The following TNNT3 variants were observed in gnomAD, a reference collection of about 807,000 sequenced individuals.
TNNT3 encodes the protein troponin T3, fast skeletal type.
A neutral mutation model predicts 54.2 loss-of-function variants in TNNT3; 36 were observed. That is an observed-to-expected ratio of 0.66 (90% CI 0.51 to 0.88). The LOEUF is 0.88. Ranked by LOEUF, TNNT3 falls within the 40% of genes least tolerant of loss-of-function variation. TNNT3 has a pLI of 0.00. For missense variants in TNNT3, 291 were observed against 331.6 expected, an observed-to-expected ratio of 0.88 and a Z score of 0.95; for synonymous variants, 120 against 109.7, an observed-to-expected ratio of 1.09 and a Z score of -0.59.
intron 6 of TNNT3, among the ~76,000 whole-genome samples, chr11:1,927,005 G>A (rs529664316): frequency 1.5e-3 from 225 of 152,280 alleles, no homozygotes; most frequent in Non-Finnish European, 2.4e-3. Context: ...CCTTGAGGCC[G>A]AGGCAGAGCA....
intron 2 of TNNT3, 33 bp from the exon 3 acceptor site, chr11:1,923,015 C>T: frequency 6.2e-7 from 1 of 1,613,926 alleles, no homozygotes; most frequent in South Asian, 1.1e-5. Flanking sequence ...CTACCTCTCT[C>T]TCTTTCTTTC....
At chr11:1,925,751 G>A (rs955732446) in intron 5 of TNNT3, among the ~76,000 whole-genome samples, 3 of 151,790 alleles carry the variant, frequency 2.0e-5, no homozygotes, top group African/African-American at 7.3e-5. Flanking sequence ...CAGCTCCCTC[G>A]TGAGCATGCC....
rs201336939 is a variant in TNNT3 at position 1,937,018 on chromosome 11, C to A, written c.722+15C>A. The A allele has an allele frequency of 1.0e-4, 162 of 1,589,260 alleles. No homozygotes were observed. The African/African-American group carries it at 2.1e-3, about 20-fold the overall frequency. On this transcript the variant is annotated intron_variant, in intron 15 of 15. Transcript: ENST00000278317. ...GCCCAGAAGCAGTGAGTAGCCCTGC[C>A]GTCCTCGCTCCGCACTGGGCACAGG...
chr11:1,929,227 C>A, intron 7 of TNNT3, 84 bp downstream of exon 7: 1 of 1,476,474 alleles, frequency 6.8e-7, no homozygotes, highest in Non-Finnish European at 9.4e-7. Flanking sequence ...GGGTCTCTCG[C>A]TGCCCTGCCT....
chr11:1,938,159 G>A, intron 15 of TNNT3: 1 of 516,256 alleles, frequency 1.9e-6, no homozygotes, highest in Non-Finnish European at 3.5e-6. Flanking sequence ...CAGCTCAGGG[G>A]TCTGTCTGCA....
chr11:1,929,779 C>A, intron 7 of TNNT3, 31 bp from the exon 8 acceptor site: 1 of 1,551,910 alleles, frequency 6.4e-7, no homozygotes. Flanking sequence ...CGCTGGTGTC[C>A]CTCTCCCTAC....
chr11:1,922,825 C>CTCTCTCTCTCTCTCTGAA, intron 1 of TNNT3, 32 bp from the exon 2 acceptor site: 1 of 1,591,118 alleles, frequency 6.3e-7, no homozygotes, highest in Non-Finnish European at 8.6e-7. Flanking sequence ...TCCATCCTCT[C>CTCTCTCTCTCTCTCTGAA]TCTCTCTCTC....
At chr11:1,926,379 G>A (rs1589915561) in intron 5 of TNNT3, 4 of 1,542,410 alleles carry the variant, frequency 2.6e-6, no homozygotes, top group East Asian at 4.5e-5. Flanking sequence ...CTCGAGTGGC[G>A]ACGGGCTTTT....
chr11:1,934,416 G>C lies in TNNT3; in HGVS notation c.451G>C (p.Gly151Arg). 6.2e-7 allele frequency: 1 copy of C among 1,613,816 alleles called. No homozygotes were observed. Among genetic ancestry groups the C allele is most frequent in the East Asian group, 2.2e-5 (1 of 44,884 alleles). ...LKKKKALSSM[G>R]ANYSSYLAKA... ...GAAGAAGAAAGCTCTGTCTTCCATG[G>C]GAGCCAACTACAGCAGCTACCTGGC... The change falls in exon 12 of 16, where the codon GGA (glycine) becomes CGA (arginine). Residue 151 changes from glycine (G) to arginine (R), a missense_variant. Gly to Arg is a moderately radical substitution (Grantham distance 125, BLOSUM62 -2). Coordinates refer to ENST00000278317, the MANE Select transcript of TNNT3 (RefSeq NM_006757.4).
rs1851759064 is a variant in TNNT3 at position 1,926,852 on chromosome 11, A to G, written c.82+143A>G. The stretch of plus-strand genomic sequence containing the variant: ...TGGCCTCTGGGCTGGGGACAGAGTG[A>G]GGACCCTGGCTTGGGAAGGGCTGGC... On this transcript the variant is annotated intron_variant, in intron 6 of 15. Coordinates refer to ENST00000278317, the MANE Select transcript of TNNT3 (RefSeq NM_006757.4). 19 of 1,110,490 alleles carry G rather than the reference A, an allele frequency of 1.7e-5. No individual in the cohort carries two copies. The Admixed American group carries it at 3.2e-4, about 18-fold the overall frequency. 68.8% of individuals were successfully genotyped at this position (1,110,490 alleles called of 1,614,324 possible).
intron 8 of TNNT3, among the ~76,000 whole-genome samples, chr11:1,930,696 T>C (rs925704003): frequency 2.0e-5 from 3 of 152,188 alleles, no homozygotes; most frequent in African/African-American, 7.2e-5. Flanking sequence ...TTGGGGAGCA[T>C]TGCAGATTCT....
chr11:1,929,719 G>A (rs1179820283), intron 7 of TNNT3, 91 bp from the exon 8 acceptor site: 3 of 1,448,026 alleles, frequency 2.1e-6, no homozygotes, highest in African/African-American at 1.4e-5. Context: ...GGGGAACCCA[G>A]GGCCGCAGGC....
rs759528909 is a variant in TNNT3 at position 1,938,567 on chromosome 11, T to A, written c.*75T>A. ...CCAGGGCCGCTCGTGGGACTCCACA[T>A]CCTCCAGCCCCCACAATCCTGTCAG... On this transcript the variant is annotated 3_prime_UTR_variant, in exon 16 of 16. Transcript: ENST00000278317. The A allele has an allele frequency of 2.1e-6, 3 of 1,460,380 alleles. No individual in the cohort carries two copies. Among genetic ancestry groups the A allele is most frequent in the Admixed American group, 3.6e-5 (2 of 55,378 alleles). The allele number at this position is 1,460,380 out of a possible 1,614,324, so 90.5% of individuals were successfully genotyped here.
At position 1,923,080 on chromosome 11, in the gene TNNT3, T is replaced by G; in HGVS notation, c.31+19T>G. 1 of 1,613,970 alleles carries G rather than the reference T, an allele frequency of 6.2e-7. No individual in the cohort carries two copies. Among genetic ancestry groups the G allele is most frequent in the East Asian group, 2.2e-5 (1 of 44,878 alleles). On this transcript the variant is annotated intron_variant, in intron 3 of 15. Coordinates refer to ENST00000278317, the MANE Select transcript of TNNT3 (RefSeq NM_006757.4). Reference sequence around the variant, plus strand: ...GTGGAGGGTAAGTGTAACAGCCATTTTCTTTCTACTTCCTGCTCTAGAAGG... The same window carrying G: ...GTGGAGGGTAAGTGTAACAGCCATTGTCTTTCTACTTCCTGCTCTAGAAGG...
At chr11:1,919,805 G>A (rs892469593) in intron 1 of TNNT3, 43 bp downstream of exon 1, 20 of 152,276 alleles carry the variant, frequency 1.3e-4, no homozygotes, top group African/African-American at 4.3e-4. Flanking sequence ...GGGGCCGACG[G>A]GGCCTCCTGC....
chr11:1,923,186 G>A (rs1037557458), intron 3 of TNNT3, 125 bp downstream of exon 3: 93 of 1,404,560 alleles, frequency 6.6e-5, no homozygotes, highest in Non-Finnish European at 8.9e-5. Context: ...CATCCCATGG[G>A]TGGCTTCTGA....
At chr11:1,932,320 G>A (rs1326847610) in intron 8 of TNNT3, 149 bp from the exon 9 acceptor site, 6 of 791,544 alleles carry the variant, frequency 7.6e-6, no homozygotes, top group East Asian at 2.4e-5. Context: ...TAAAGCTGGG[G>A]CAAACGTGTC....
In TNNT3 at chr11:1,938,630, C is replaced by T. The variant is rs747320646; in HGVS notation, c.*138C>T. 11 of 878,800 alleles carry T rather than the reference C, an allele frequency of 1.3e-5. No individual in the cohort carries two copies. The Admixed American group carries it at 1.4e-4, about 11-fold the overall frequency. The allele number at this position is 878,800 out of a possible 1,614,324, so 54.4% of individuals were successfully genotyped here. On this transcript the variant is annotated 3_prime_UTR_variant, in exon 16 of 16. Transcript: ENST00000278317. Reference sequence around the variant, plus strand: ...AGTCCTGGGGGTGGAGAGGCCATCCCGGGGCGTCCCCCGCGTCTGTGTCCT... The same window carrying T: ...AGTCCTGGGGGTGGAGAGGCCATCCTGGGGCGTCCCCCGCGTCTGTGTCCT...
chr11:1,924,166 T>C (rs2133262241), intron 4 of TNNT3, among the ~76,000 whole-genome samples: 1 of 152,212 alleles, frequency 6.6e-6, no homozygotes, highest in African/African-American at 2.4e-5. Context: ...CTGTCCCCAT[T>C]TCTCCACCTC....
Sources: gnomAD v4.1 joint callset for allele counts (sites outside exome capture counted in the v4.1 genomes callset) on GRCh38, gnomAD v4.1.1 for gene constraint, MANE v1.5 for transcripts, NCBI Gene and HGNC (gene_info 2026-07-23, HGNC 2026-07-21) for gene names.